XKR6: variants seen among roughly 807,000 people sequenced by gnomAD.
XKR6 encodes XK-related protein 6.
A neutral mutation model predicts 56.7 loss-of-function variants in XKR6; 22 were observed. The observed-to-expected ratio is 0.39, with a 90% CI of 0.28 to 0.55. The LOEUF (loss-of-function observed/expected upper bound fraction) is 0.55, where lower values mean the gene tolerates loss of function less well. Ranked by LOEUF, XKR6 falls within the 20% of genes least tolerant of loss-of-function variation. The pLI, the probability that XKR6 is intolerant of heterozygous loss-of-function variation, is 0.66. For synonymous variants in XKR6, 524 were observed against 387.8 expected (o/e 1.35, Z -4.13); for missense variants, 852 against 889.0 (o/e 0.96, Z 0.53).
intron 1 of XKR6, among the ~76,000 whole-genome samples, chr8:11,059,838 G>A (rs1186280062): frequency 1.3e-5 from 2 of 152,096 alleles, no homozygotes; most frequent in African/African-American, 4.8e-5. Flanking sequence ...ATCCAGGAGT[G>A]TTCAGGATGA....
chr8:11,178,709 G>C (rs1044721248), intron 1 of XKR6, among the ~76,000 whole-genome samples: 1 of 136,172 alleles, frequency 7.3e-6, no homozygotes, highest in Non-Finnish European at 1.5e-5. Flanking sequence ...CGGGGGGATG[G>C]AGGAAAGATT....
At chr8:11,181,408 G>C (rs57068380) in intron 1 of XKR6, among the ~76,000 whole-genome samples, 4 of 151,996 alleles carry the variant, frequency 2.6e-5, no homozygotes, top group African/African-American at 4.8e-5. Context: ...AATATGGATC[G>C]CCTTTTTATA....
chr8:11,137,516 G>A (rs886854961), intron 1 of XKR6: 4 of 455,526 alleles, frequency 8.8e-6, no homozygotes, highest in African/African-American at 2.0e-5. Context: ...CCTAGGAGAC[G>A]GCCAGGCAAC....
At chr8:10,928,189 A>G (rs1267428003) in intron 1 of XKR6, among the ~76,000 whole-genome samples, 1 of 152,186 alleles carries the variant, frequency 6.6e-6, no homozygotes, top group East Asian at 1.9e-4. Context: ...TCAGTCACTC[A>G]GTGCTGTGGG....
At position 11,037,731 on chromosome 8, in the gene XKR6, G is replaced by GCCTGT. The variant is rs543439882; in HGVS notation, c.765-112906_765-112902dup. On this transcript the variant is annotated intron_variant, in intron 1 of 2. Transcript: ENST00000416569. ...AAATTGGCTGGGCATGGTGGCGTGC[G>GCCTGT]CCTGTAATCCCAGCTACTTGGGAGG... 4.4e-4 allele frequency among the ~76,000 whole-genome samples: 67 copies of GCCTGT among 152,210 alleles called. No homozygotes were observed. The South Asian group carries it at 0.012, about 28-fold the overall frequency.
intron 1 of XKR6, among the ~76,000 whole-genome samples, chr8:11,169,274 C>CT (rs995167720): frequency 2.0e-5 from 3 of 152,124 alleles, no homozygotes; most frequent in African/African-American, 7.2e-5. Flanking sequence ...GTCCATGCTC[C>CT]TTAATTTTCT....
At chr8:11,014,170 T>G (rs779040755) in intron 1 of XKR6, among the ~76,000 whole-genome samples, 17 of 152,224 alleles carry the variant, frequency 1.1e-4, no homozygotes, top group Non-Finnish European at 2.2e-4. Flanking sequence ...GGTCCTTAAA[T>G]AGCTCATTTG....
At chr8:11,090,686 G>A (rs1016763734) in intron 1 of XKR6, among the ~76,000 whole-genome samples, 1 of 152,124 alleles carries the variant, frequency 6.6e-6, no homozygotes, top group Admixed American at 6.6e-5. Context: ...TTCCTCTTCA[G>A]AAAGTGCCTG....
intron 1 of XKR6, among the ~76,000 whole-genome samples, chr8:11,150,852 CAAAAAAAAAAAA>C (rs546547767): frequency 0.33 from 30,032 of 90,488 alleles, 4,213 homozygotes; most frequent in Middle Eastern, 0.43. Context: ...GACTCCATCT[CAAAAAAAAAAAA>C]AAAAAAAAAA....
intron 1 of XKR6, among the ~76,000 whole-genome samples, chr8:11,147,297 C>T (rs956461751): frequency 6.6e-6 from 1 of 152,016 alleles, no homozygotes; most frequent in African/African-American, 2.4e-5. Flanking sequence ...AAAGATTCCT[C>T]AAAAATCAAT....
At chr8:11,132,228 C>G (rs377404640) in intron 1 of XKR6, among the ~76,000 whole-genome samples, 9 of 152,116 alleles carry the variant, frequency 5.9e-5, no homozygotes, top group Non-Finnish European at 1.3e-4. Context: ...ACAAGTTATC[C>G]TCAAGATCAA....
intron 1 of XKR6, among the ~76,000 whole-genome samples, chr8:11,109,951 CTACT>C (rs1331041519): frequency 1.3e-5 from 2 of 152,130 alleles, no homozygotes; most frequent in East Asian, 3.9e-4. Flanking sequence ...TTTTAAAAAC[CTACT>C]TAATGTTGTT....
At chr8:11,086,365 G>C (rs1333938816) in intron 1 of XKR6, among the ~76,000 whole-genome samples, 1 of 152,064 alleles carries the variant, frequency 6.6e-6, no homozygotes, top group Non-Finnish European at 1.5e-5. Context: ...CCCGGGCCGA[G>C]GATGTGCCCG....
chr8:10,948,227 G>A (rs1220999743), intron 1 of XKR6, among the ~76,000 whole-genome samples: 1 of 152,210 alleles, frequency 6.6e-6, no homozygotes, highest in African/African-American at 2.4e-5. Flanking sequence ...AAGTCACACA[G>A]CAAAAGAACT....
At chr8:10,922,767 A>C (rs549086461) in intron 2 of XKR6, among the ~76,000 whole-genome samples, 1 of 152,152 alleles carries the variant, frequency 6.6e-6, no homozygotes, top group African/African-American at 2.4e-5. Context: ...TGTGTTCCCA[A>C]GCTCTTCTCA....
intron 1 of XKR6, among the ~76,000 whole-genome samples, chr8:11,083,011 C>G (rs1210527465): frequency 1.3e-5 from 2 of 152,248 alleles, no homozygotes; most frequent in Non-Finnish European, 2.9e-5. Context: ...TCTGCACAGG[C>G]AGCGCACAGC....
At chr8:11,018,079 AC>A (rs1385747176) in intron 1 of XKR6, among the ~76,000 whole-genome samples, 2 of 152,234 alleles carry the variant, frequency 1.3e-5, no homozygotes, top group Admixed American at 1.3e-4. Context: ...CCCGAGTTAG[AC>A]AGCCCTCCTT....
intron 1 of XKR6, among the ~76,000 whole-genome samples, chr8:10,988,284 C>T (rs1175885848): frequency 6.6e-6 from 1 of 152,214 alleles, no homozygotes; most frequent in African/African-American, 2.4e-5. Flanking sequence ...CTGCACCTAC[C>T]ACAGCATGTG....
At position 10,896,223 on chromosome 8, in the gene XKR6, C is replaced by G. The variant is rs1274924327; in HGVS notation, c.*1729G>C. On this transcript the variant is annotated 3_prime_UTR_variant, in exon 3 of 3. Coordinates refer to ENST00000416569, the MANE Select transcript of XKR6 (RefSeq NM_173683.4). ...AGAAATATTCTTTAAAGGAACAATA[C>G]TTTGAAAAATAAAAAAAAATTTAAA... 6.6e-6 allele frequency: 1 copy of G among 151,640 alleles called. No individual in the cohort carries two copies. The highest frequency in any genetic ancestry group is 1.5e-5 in the Non-Finnish European group (1 of 67,898). 9.4% of individuals were successfully genotyped at this position (151,640 alleles called of 1,614,324 possible). A position where few individuals can be genotyped will look rare whatever the true frequency, so the allele number is the denominator to read the frequency against.
Sources: gnomAD v4.1 joint callset for allele counts (sites outside exome capture counted in the v4.1 genomes callset) on GRCh38, gnomAD v4.1.1 for gene constraint, MANE v1.5 for transcripts, NCBI Gene and HGNC (gene_info 2026-07-23, HGNC 2026-07-21) for gene names.